The following TNRC6C variants were observed in gnomAD, a reference collection of about 807,000 sequenced individuals.
The protein encoded by TNRC6C is trinucleotide repeat-containing gene 6C protein.
A neutral mutation model predicts 153.7 loss-of-function variants in TNRC6C; 20 were observed. The observed-to-expected ratio is 0.13, with a 90% CI of 0.09 to 0.19. The LOEUF is 0.19. TNRC6C is among the 10% of genes least tolerant of loss of function. The pLI, the probability that TNRC6C is intolerant of heterozygous loss-of-function variation, is 1.00. For synonymous variants in TNRC6C, 811 were observed against 841.4 expected (o/e 0.96, Z 0.63); for missense variants, 1,987 against 2,172.0 (o/e 0.91, Z 1.69).
intron 1 of TNRC6C, among the ~76,000 whole-genome samples, chr17:77,976,168 G>A (rs916550812): frequency 3.3e-5 from 5 of 152,124 alleles, no homozygotes; most frequent in Non-Finnish European, 5.9e-5. Flanking sequence ...TCAGCCCTGC[G>A]TAGTCTGTTT....
At chr17:78,108,018 A>C (rs2073733976) in exon 20 of TNRC6C, 1 of 152,258 alleles carries the variant, frequency 6.6e-6, no homozygotes, top group African/African-American at 2.4e-5. Context: ...CTAGAAATTG[A>C]GTCCCTTCCT....
chr17:78,072,391 G>A (rs571016707), intron 6 of TNRC6C, among the ~76,000 whole-genome samples: 46 of 152,170 alleles, frequency 3.0e-4, no homozygotes, highest in Non-Finnish European at 5.6e-4. Context: ...TTGATGAAGC[G>A]AAAAATGCAG....
At position 78,104,976 on chromosome 17, in the gene TNRC6C, C is replaced by A; in HGVS notation, c.*131C>A. ...ACCTCTGTCCAGGACTGAAGACGAA[C>A]CTTGGCCGCAGTCCTTGCGAACTGT... is the stretch of plus-strand genomic sequence containing the variant. On this transcript the variant is annotated 3_prime_UTR_variant, in exon 20 of 20. Transcript: ENST00000301624. This position sits in a 1 kb window ranked among gnomAD's most constrained non-coding sequence, Gnocchi z 6.2. The A allele has an allele frequency of 8.1e-7, 1 of 1,231,712 alleles. No homozygotes were observed. Among genetic ancestry groups the A allele is most frequent in the Non-Finnish European group, 1.0e-6 (1 of 960,904 alleles). The allele number at this position is 1,231,712 out of a possible 1,614,324, so 76.3% of individuals were successfully genotyped here. A position where few individuals can be genotyped will look rare whatever the true frequency, so the allele number is the denominator to read the frequency against.
intron 1 of TNRC6C, among the ~76,000 whole-genome samples, chr17:78,014,559 A>G (rs563950495): frequency 6.6e-6 from 1 of 151,692 alleles, no homozygotes; most frequent in Admixed American, 6.6e-5. Flanking sequence ...TAACCTTTTA[A>G]TGAAATGATT....
At chr17:77,959,514 G>A (rs1407551765) in intron 1 of TNRC6C, among the ~76,000 whole-genome samples, 1 of 152,154 alleles carries the variant, frequency 6.6e-6, no homozygotes, top group East Asian at 1.9e-4. Flanking sequence ...AAACGGGAGT[G>A]GAATGGAGGG....
At chr17:77,959,649 A>G (rs1279941575) in intron 1 of TNRC6C, among the ~76,000 whole-genome samples, 1 of 150,114 alleles carries the variant, frequency 6.7e-6, no homozygotes, top group Non-Finnish European at 1.5e-5. Context: ...GTTTTGGTGC[A>G]GGAGCCCGGT....
At chr17:77,971,854 T>C (rs1294784730) in intron 1 of TNRC6C, among the ~76,000 whole-genome samples, 4 of 128,612 alleles carry the variant, frequency 3.1e-5, no homozygotes, top group Non-Finnish European at 6.3e-5. Context: ...TTAGAAGATA[T>C]TTTTAAGTGA....
At chr17:77,988,524 C>A (rs2071204928) in intron 1 of TNRC6C, among the ~76,000 whole-genome samples, 1 of 152,232 alleles carries the variant, frequency 6.6e-6, no homozygotes, top group East Asian at 1.9e-4. Context: ...GTTAAAAACT[C>A]ACAGCTTCCA....
At chr17:78,019,347 G>A (rs1347485218) in intron 1 of TNRC6C, among the ~76,000 whole-genome samples, 1 of 152,152 alleles carries the variant, frequency 6.6e-6, no homozygotes, top group Non-Finnish European at 1.5e-5. Flanking sequence ...TCAAAATCAA[G>A]TTCTCCAAAG....
upstream of TNRC6C, chr17:78,005,008 T>G: frequency 8.4e-7 from 1 of 1,185,264 alleles, no homozygotes; most frequent in South Asian, 4.3e-5. Context: ...TTCTACACAT[T>G]ATTCCTAAAG....
exon 2 of TNRC6C, chr17:78,031,674 C>T: frequency 1.6e-6 from 2 of 1,232,420 alleles, no homozygotes; most frequent in Non-Finnish European, 2.0e-6. Context: ...TGAGGTGCCT[C>T]CACGCTTCCG....
intron 2 of TNRC6C, among the ~76,000 whole-genome samples, chr17:78,038,827 G>C (rs1466056450): frequency 6.6e-6 from 1 of 151,582 alleles, no homozygotes; most frequent in Non-Finnish European, 1.5e-5. Flanking sequence ...ACTATGGATT[G>C]AGTGCTTATC....
intron 7 of TNRC6C, 32 bp downstream of exon 9, chr17:78,073,126 A>G (rs1567952109): frequency 6.6e-7 from 1 of 1,525,094 alleles, no homozygotes; most frequent in East Asian, 2.4e-5. Context: ...TTAAAAAGGT[A>G]CCCAGCTGTG....
chr17:78,032,935 C>T (rs982067433), intron 2 of TNRC6C, among the ~76,000 whole-genome samples: 2 of 152,128 alleles, frequency 1.3e-5, no homozygotes, highest in African/African-American at 4.8e-5. Context: ...CACCAAAAAG[C>T]AAGGCAGAAA....
chr17:78,011,941 T>G (rs576463906), intron 1 of TNRC6C: 1 of 152,354 alleles, frequency 6.6e-6, no homozygotes, highest in African/African-American at 2.4e-5. Context: ...TTTGTCATCT[T>G]GGTGAAGCGT....
At chr17:78,087,548 A>G (rs1205903623) in intron 13 of TNRC6C, among the ~76,000 whole-genome samples, 1 of 152,082 alleles carries the variant, frequency 6.6e-6, no homozygotes, top group Non-Finnish European at 1.5e-5. Context: ...TCTCATTTCC[A>G]TTGTCAAATC....
At chr17:77,984,786 C>G (rs1433525698) in intron 1 of TNRC6C, among the ~76,000 whole-genome samples, 1 of 152,128 alleles carries the variant, frequency 6.6e-6, no homozygotes, top group Non-Finnish European at 1.5e-5. Flanking sequence ...CTCTCCAGTC[C>G]TGCGTGGAGG....
Position 78,067,709 on chromosome 17 carries a change from T to G in TNRC6C, c.2612-48T>G, listed in dbSNP as rs372931007. 35 of 1,525,350 alleles carry G rather than the reference T, an allele frequency of 2.3e-5. No homozygotes were observed. The Admixed American group carries it at 3.9e-4, about 17-fold the overall frequency. The allele number at this position is 1,525,350 out of a possible 1,614,324, so 94.5% of individuals were successfully genotyped here. A position where few individuals can be genotyped will look rare whatever the true frequency, so the allele number is the denominator to read the frequency against. ...TATATGTTACAGTGGAAGCATTGTC[T>G]GCGTTAGGGACATGAATTTGATAAG... is the stretch of plus-strand genomic sequence containing the variant. On this transcript the variant is annotated intron_variant, in intron 4 of 19. Transcript: ENST00000301624.
At chr17:77,959,680 A>G (rs971649036) in intron 1 of TNRC6C, among the ~76,000 whole-genome samples, 1 of 151,858 alleles carries the variant, frequency 6.6e-6, no homozygotes, top group African/African-American at 2.4e-5. Context: ...GGGGGAAGAG[A>G]AAAACCCGGG....
Sources: allele counts gnomAD v4.1 joint callset (sites outside exome capture counted in the v4.1 genomes callset), GRCh38; gene constraint gnomAD v4.1.1; non-coding constraint Gnocchi (gnomAD v3.1); transcripts MANE v1.5; gene names NCBI Gene and HGNC (gene_info 2026-07-23, HGNC 2026-07-21).